Variants in PRRC1 observed in about 807,000 individuals in gnomAD.
PRRC1 encodes proline rich coiled-coil 1, also known as protein PRRC1.
A neutral mutation model predicts 40.7 loss-of-function variants in PRRC1; 39 were observed. That is an observed-to-expected ratio of 0.96 (90% CI 0.74 to 1.25). The LOEUF is 1.25. Ranked by LOEUF, PRRC1 falls within the 50% of genes most tolerant of loss-of-function variation. The pLI is 0.00. For missense variants in PRRC1, 573 were observed against 548.3 expected (o/e 1.05, Z -0.45); for synonymous variants, 175 against 193.3 (o/e 0.91, Z 0.79).
chr5:127,529,999 TATATACACAC>T (rs1767723599), intron 4 of PRRC1, among the ~76,000 whole-genome samples: 1 of 152,138 alleles, frequency 6.6e-6, no homozygotes, highest in Non-Finnish European at 1.5e-5. Flanking sequence ...TATATATATG[TATATACACAC>T]ACATATATAT....
chr5:127,533,213 T>C (rs1767818687), intron 5 of PRRC1, among the ~76,000 whole-genome samples: 1 of 152,194 alleles, frequency 6.6e-6, no homozygotes, highest in African/African-American at 2.4e-5. Context: ...ATATTTAAAC[T>C]ATTTTCTAGG....
In PRRC1 at chr5:127,552,924, AT is replaced by A; in HGVS notation, c.*1012del. Reference sequence around the variant, plus strand: ...TTTTATGGATGTTTTCAAAGAAACTATTTTATATTCAATCTAGTTTATTTAG... The same window carrying A: ...TTTTATGGATGTTTTCAAAGAAACTATTTATATTCAATCTAGTTTATTTAG... On this transcript the variant is annotated 3_prime_UTR_variant, in exon 9 of 9. Transcript: ENST00000296666. The A allele has an allele frequency of 1.1e-6, 1 of 913,058 alleles. No individual in the cohort carries two copies. The highest frequency in any genetic ancestry group is 1.3e-6 in the Non-Finnish European group (1 of 764,640). The allele number at this position is 913,058 out of a possible 1,614,324, so 56.6% of individuals were successfully genotyped here. A position where few individuals can be genotyped will look rare whatever the true frequency, so the allele number is the denominator to read the frequency against.
Position 127,553,904 on chromosome 5 carries a change from T to C in PRRC1, c.*1988T>C, listed in dbSNP as rs779853951. Reference sequence around the variant, plus strand: ...CTGGTAAGCCTCCTGCTCGGAACCGTGTGAGTGGGTGAGGAAGATGAGAGA... The same window carrying C: ...CTGGTAAGCCTCCTGCTCGGAACCGCGTGAGTGGGTGAGGAAGATGAGAGA... On this transcript the variant is annotated 3_prime_UTR_variant, in exon 9 of 9. Coordinates refer to ENST00000296666, the MANE Select transcript of PRRC1 (RefSeq NM_130809.5). 1.3e-6 allele frequency: 2 copies of C among 1,535,170 alleles called. No homozygotes were observed. The highest frequency in any genetic ancestry group is 2.4e-5 in the South Asian group (2 of 84,032).
chr5:127,524,790 A>G lies in PRRC1; in HGVS notation c.363A>G (p.Leu121=), dbSNP rs1767571363. The stretch of plus-strand genomic sequence containing the variant: ...CAACTTCTGCCCCAAACACTCTTTT[A>G]CCTGCACCCCCTTCGGGTCCTCCTA... ...PPSTSAPNTL[L]PAPPSGPPIS... The change falls in exon 3 of 9, where the codon TTA becomes TTG. Residue 121 remains leucine (L), a synonymous_variant. Coordinates refer to ENST00000296666, the MANE Select transcript of PRRC1 (RefSeq NM_130809.5). The G allele has an allele frequency of 6.2e-7, 1 of 1,613,938 alleles. No homozygotes were observed. The highest frequency in any genetic ancestry group is 1.3e-5 in the African/African-American group (1 of 74,870).
intron 5 of PRRC1, among the ~76,000 whole-genome samples, chr5:127,530,964 C>A (rs2127098393): frequency 6.6e-6 from 1 of 152,046 alleles, no homozygotes; most frequent in Non-Finnish European, 1.5e-5. Context: ...TGTACATATC[C>A]AATATGTGAA....
intron 7 of PRRC1, among the ~76,000 whole-genome samples, chr5:127,541,051 G>A (rs928297609): frequency 1.7e-4 from 26 of 152,014 alleles, no homozygotes; most frequent in Non-Finnish European, 8.8e-5. Context: ...CGTCCCATCA[G>A]TACCTAATTT....
At chr5:127,535,779 C>G (rs1767885008) in intron 6 of PRRC1, among the ~76,000 whole-genome samples, 2 of 152,074 alleles carry the variant, frequency 1.3e-5, no homozygotes, top group African/African-American at 4.8e-5. Flanking sequence ...AGGTAATTGA[C>G]ATAGCATATT....
At chr5:127,550,427 G>A (rs147050252) in intron 8 of PRRC1, 207 of 152,130 alleles carry the variant, frequency 1.4e-3, no homozygotes, top group African/African-American at 4.7e-3. Context: ...GTATATATTA[G>A]TAAAAATCTG....
In PRRC1 at chr5:127,553,928, G is replaced by C; in HGVS notation, c.*2012G>C. On this transcript the variant is annotated 3_prime_UTR_variant, in exon 9 of 9. Transcript: ENST00000296666. ...GTGTGAGTGGGTGAGGAAGATGAGA[G>C]ATGGTCAGATGGAAGAGAGAAATAC... The C allele has an allele frequency of 6.5e-7, 1 of 1,534,040 alleles. No homozygotes were observed. Among genetic ancestry groups the C allele is most frequent in the Non-Finnish European group, 8.7e-7 (1 of 1,145,618 alleles).
chr5:127,553,963 T>C lies in PRRC1; in HGVS notation c.*2047T>C. 1.3e-6 allele frequency: 2 copies of C among 1,490,368 alleles called. No homozygotes were observed. Among genetic ancestry groups the C allele is most frequent in the Admixed American group, 2.1e-5 (1 of 47,248 alleles). The allele number at this position is 1,490,368 out of a possible 1,614,324, so 92.3% of individuals were successfully genotyped here. A position where few individuals can be genotyped will look rare whatever the true frequency, so the allele number is the denominator to read the frequency against. On this transcript the variant is annotated 3_prime_UTR_variant, in exon 9 of 9. Transcript: ENST00000296666. ...TGGAAGAGAGAAATACATGAACTGC[T>C]CTGGCCTCTCTGGTTCTGTTCTTGG...
chr5:127,537,728 T>C (rs1159524066), intron 6 of PRRC1, among the ~76,000 whole-genome samples: 2 of 151,940 alleles, frequency 1.3e-5, no homozygotes, highest in African/African-American at 4.8e-5. Context: ...ACTAATCCCT[T>C]AATAGTTTTT....
chr5:127,524,735 G>T lies in PRRC1; in HGVS notation c.308G>T (p.Gly103Val). Reference protein sequence around the residue: ...PVSPSTAAAFGNPPVSHFPPS... With the variant: ...PVSPSTAAAFVNPPVSHFPPS... ...TCTCCATCAACTGCTGCTGCCTTCGGTAATCCTCCTGTATCTCACTTCCCA... is the reference window on the plus strand; with the variant it reads ...TCTCCATCAACTGCTGCTGCCTTCGTTAATCCTCCTGTATCTCACTTCCCA... Residue 103 changes from glycine (G) to valine (V), a missense_variant, in exon 3 of 9, where the codon GGT becomes GTT. Physicochemically the swap from Gly to Val is moderately radical, Grantham distance 109. Transcript: ENST00000296666. The T allele has an allele frequency of 6.2e-7, 1 of 1,614,020 alleles. No individual in the cohort carries two copies. The highest frequency in any genetic ancestry group is 8.5e-7 in the Non-Finnish European group (1 of 1,179,982).
At chr5:127,529,815 C>T (rs1034748742) in intron 4 of PRRC1, among the ~76,000 whole-genome samples, 4 of 151,942 alleles carry the variant, frequency 2.6e-5, no homozygotes, top group South Asian at 2.1e-4. Context: ...AAATGTTGTA[C>T]GTTAAGGTAA....
chr5:127,543,575 TTTA>T (rs1405385218), intron 7 of PRRC1, among the ~76,000 whole-genome samples: 2 of 152,108 alleles, frequency 1.3e-5, no homozygotes, highest in Non-Finnish European at 2.9e-5. Flanking sequence ...TTCGTTTCTT[TTTA>T]TTCTTTTTTC....
In PRRC1 at chr5:127,552,397, C is replaced by T. The variant is rs1768417981; in HGVS notation, c.*481C>T. 2.0e-6 allele frequency: 2 copies of T among 995,612 alleles called. No individual in the cohort carries two copies. The highest frequency in any genetic ancestry group is 3.5e-5 in the African/African-American group (2 of 57,274). The allele number at this position is 995,612 out of a possible 1,614,324, so 61.7% of individuals were successfully genotyped here. A position where few individuals can be genotyped will look rare whatever the true frequency, so the allele number is the denominator to read the frequency against. ...CAGGGCTGGTGCTGAGCAGCCTGCT[C>T]AACAGTCACTATAAGACACCTACTT... On this transcript the variant is annotated 3_prime_UTR_variant, in exon 9 of 9. Coordinates refer to ENST00000296666, the MANE Select transcript of PRRC1 (RefSeq NM_130809.5).
chr5:127,541,833 GATTC>G (rs1293790131), intron 7 of PRRC1, among the ~76,000 whole-genome samples: 3 of 151,914 alleles, frequency 2.0e-5, no homozygotes, highest in African/African-American at 4.8e-5. Flanking sequence ...CCAGCTCCTG[GATTC>G]ATTAATTTTT....
chr5:127,528,653 G>T (rs1410037838), intron 4 of PRRC1, among the ~76,000 whole-genome samples: 1 of 152,000 alleles, frequency 6.6e-6, no homozygotes, highest in African/African-American at 2.4e-5. Context: ...TGCTAAAAAA[G>T]ACCTTTTCTC....
intron 4 of PRRC1, among the ~76,000 whole-genome samples, chr5:127,528,074 T>G (rs1767670652): frequency 6.7e-6 from 1 of 149,420 alleles, no homozygotes; most frequent in East Asian, 1.9e-4. Flanking sequence ...GCCATTTGTA[T>G]TCTTCTTTTG....
chr5:127,523,707 G>A, intron 2 of PRRC1, 125 bp downstream of exon 2: 1 of 486,898 alleles, frequency 2.1e-6, no homozygotes, highest in South Asian at 6.1e-5. Context: ...CAGGATGAAA[G>A]GAAATAGCCT....
Sources: allele counts gnomAD v4.1 joint callset (sites outside exome capture counted in the v4.1 genomes callset), GRCh38; gene constraint gnomAD v4.1.1; transcripts MANE v1.5; gene names NCBI Gene and HGNC (gene_info 2026-07-23, HGNC 2026-07-21).